Variants in DPYSL4 observed in about 807,000 individuals in gnomAD.
The protein encoded by DPYSL4 is dihydropyrimidinase-related protein 4.
A neutral mutation model predicts 63.4 loss-of-function variants in DPYSL4; 43 were observed. The observed-to-expected ratio is 0.68, with a 90% CI of 0.53 to 0.88. The LOEUF is 0.88. Among genes scored for constraint, DPYSL4 ranks in the 40% least tolerant of loss-of-function variants. DPYSL4 has a pLI of 0.00. For missense variants in DPYSL4, 733 were observed against 819.5 expected (o/e 0.89, Z 1.29); for synonymous variants, 353 against 331.7 (o/e 1.06, Z -0.70).
chr10:132,200,385 G>A lies in DPYSL4; in HGVS notation c.841G>A (p.Ala281Thr), dbSNP rs368575479. The A allele has an allele frequency of 9.3e-6, 15 of 1,613,382 alleles. No homozygotes were observed. The highest frequency in any genetic ancestry group is 1.1e-5 in the Non-Finnish European group (13 of 1,179,888). ...GGTCGTGTTTGGGGAGCCCATCACC[G>A]CCAGCCTGGGCACCGACGGTTCACA... ...GVVVFGEPIT[A>T]SLGTDGSHYW... Residue 281 changes from alanine (A) to threonine (T), a missense_variant, in exon 9 of 14, where the codon GCC (alanine) becomes ACC (threonine). Transcript: ENST00000338492.
In DPYSL4 at chr10:132,203,835, C is replaced by T. The variant is rs780738844; in HGVS notation, c.1535C>T (p.Pro512Leu). 3.1e-6 allele frequency: 5 copies of T among 1,612,970 alleles called. No homozygotes were observed. In the East Asian group the frequency reaches 6.7e-5, roughly 22 times the overall value. ...CACGAGGTGATGGTGCCTGCCAAGC[C>T]AGGGAGTGGCGCTCCGGCCCGCGCG... ...PVHEVMVPAK[P>L]GSGAPARASC... Residue 512 changes from proline (P) to leucine (L), a missense_variant, in exon 13 of 14, where the codon CCA becomes CTA. Transcript: ENST00000338492.
intron 3 of DPYSL4, among the ~76,000 whole-genome samples, chr10:132,193,094 T>G (rs535285833): frequency 1.1e-4 from 16 of 152,252 alleles, no homozygotes; most frequent in Admixed American, 4.6e-4. Context: ...GTGTGTCCAC[T>G]TGTTCTTCCC....
chr10:132,192,534 C>T (rs1000927051), intron 2 of DPYSL4, 124 bp from the exon 3 acceptor site: 28 of 1,436,856 alleles, frequency 1.9e-5, no homozygotes, highest in South Asian at 6.2e-5. Context: ...AGTGGCCGGC[C>T]GTGCTGGCCT....
chr10:132,198,933 AG>A lies in DPYSL4; in HGVS notation c.778del (p.Ala260ArgfsTer69), dbSNP rs1448803542. The part of the protein sequence containing the change: ...CPLYVTKVMS[K>X]GAADAIAQAK... ...CTGTACGTCACCAAGGTGATGAGCA[AG>A]GGGGCGGCCGACGCCATCGCTCAGG... On this transcript the variant is annotated frameshift_variant, in exon 8 of 14. Transcript: ENST00000338492. LOFTEE classifies it high-confidence loss of function. The A allele has an allele frequency of 6.2e-7, 1 of 1,612,736 alleles. No homozygotes were observed. Among genetic ancestry groups the A allele is most frequent in the East Asian group, 2.2e-5 (1 of 44,884 alleles).
intron 1 of DPYSL4, among the ~76,000 whole-genome samples, chr10:132,188,974 C>G (rs1323989779): frequency 6.6e-6 from 1 of 152,244 alleles, no homozygotes; most frequent in Non-Finnish European, 1.5e-5. Flanking sequence ...CCTGAAAATA[C>G]AGCCCCACAG....
chr10:132,195,873 G>A (rs1422779469), intron 4 of DPYSL4, among the ~76,000 whole-genome samples: 1 of 152,212 alleles, frequency 6.6e-6, no homozygotes, highest in Non-Finnish European at 1.5e-5. Context: ...GTGGAAGCAG[G>A]GCCTGCACCT....
In DPYSL4 at chr10:132,203,839, G is replaced by A; in HGVS notation, c.1539G>A (p.Gly513=). The change falls in exon 13 of 14, where the codon GGG becomes GGA. Residue 513 remains glycine, a synonymous_variant. Coordinates refer to ENST00000338492, the MANE Select transcript of DPYSL4 (RefSeq NM_006426.3). The part of the protein sequence containing the change: ...VHEVMVPAKP[G]SGAPARASCP... The stretch of plus-strand genomic sequence containing the variant: ...AGGTGATGGTGCCTGCCAAGCCAGG[G>A]AGTGGCGCTCCGGCCCGCGCGTCCT... 1.2e-6 allele frequency: 2 copies of A among 1,612,992 alleles called. No individual in the cohort carries two copies. Among genetic ancestry groups the A allele is most frequent in the East Asian group, 4.5e-5 (2 of 44,866 alleles).
chr10:132,196,889 A>G lies in DPYSL4; in HGVS notation c.507A>G (p.Ala169=), dbSNP rs1244637242. The G allele has an allele frequency of 1.1e-5, 18 of 1,613,652 alleles. No homozygotes were observed. Among genetic ancestry groups the G allele is most frequent in the Non-Finnish European group, 1.5e-5 (18 of 1,180,002 alleles). Residue 169 remains alanine, a synonymous_variant, in exon 5 of 14, where the codon GCA becomes GCG. Transcript: ENST00000338492. ...TGAACTCCTTCCTGGTCTTCATGGC[A>G]TACAAGGACCGGTGCCAGTGCAGCG... ...KGVNSFLVFM[A]YKDRCQCSDS... is the part of the protein sequence containing the mutation.
At chr10:132,192,165 G>T in intron 2 of DPYSL4, 1 of 259,026 alleles carries the variant, frequency 3.9e-6, no homozygotes, top group Non-Finnish European at 6.0e-6. Flanking sequence ...ACCCATCCTT[G>T]GCAGCAGTAA....
Position 132,200,943 on chromosome 10 carries a change from G to A in DPYSL4, c.1070G>A (p.Gly357Asp), listed in dbSNP as rs1228261334. The change falls in exon 10 of 14, where the codon GGC becomes GAC. Residue 357 changes from glycine to aspartate, a missense_variant. Gly to Asp is a moderately conservative substitution (Grantham distance 94). Coordinates refer to ENST00000338492, the MANE Select transcript of DPYSL4 (RefSeq NM_006426.3). ...NFALIPEGTN[G>D]IEERMSMVWE... ...GCGCTGATCCCCGAGGGCACCAACG[G>A]CATTGAGGAGCGCATGTCGATGGTC... 6.2e-7 allele frequency: 1 copy of A among 1,613,200 alleles called. No homozygotes were observed. Among genetic ancestry groups the A allele is most frequent in the East Asian group, 2.2e-5 (1 of 44,902 alleles).
In DPYSL4 at chr10:132,198,493, C is replaced by T; in HGVS notation, c.690+10C>T. On this transcript the variant is annotated intron_variant, in intron 7 of 13. Coordinates refer to ENST00000338492, the MANE Select transcript of DPYSL4 (RefSeq NM_006426.3). ...CAGCCACCCCGAGGAGGTAAGATCC[C>T]AGGGCACCACAGCACACCCGAGCCA... is the stretch of plus-strand genomic sequence containing the variant. 3 of 1,595,200 alleles carry T rather than the reference C, an allele frequency of 1.9e-6. No individual in the cohort carries two copies. The South Asian group carries it at 3.4e-5, about 18-fold the overall frequency.
At chr10:132,198,562 CCCTGGG>C (rs1470022725) in intron 7 of DPYSL4, 79 bp downstream of exon 7, 1 of 1,415,612 alleles carries the variant, frequency 7.1e-7, no homozygotes, top group African/African-American at 1.4e-5. Context: ...CTGACCCTGG[CCCTGGG>C]CTCCTGGCCC....
chr10:132,193,562 T>C (rs776523548), intron 3 of DPYSL4, among the ~76,000 whole-genome samples: 1 of 152,254 alleles, frequency 6.6e-6, no homozygotes, highest in Non-Finnish European at 1.5e-5. Context: ...CTGCACTGTG[T>C]GGCCTTGGGT....
intron 10 of DPYSL4, among the ~76,000 whole-genome samples, chr10:132,201,615 G>A (rs1206410017): frequency 1.3e-5 from 2 of 152,354 alleles, no homozygotes; most frequent in South Asian, 2.1e-4. Flanking sequence ...GGGTTACTCA[G>A]GCGTTCTTAC....
Position 132,204,962 on chromosome 10 carries a change from G to GC in DPYSL4, c.*36dup, listed in dbSNP as rs780035285. The GC allele has an allele frequency of 4.2e-5, 65 of 1,565,174 alleles. No individual in the cohort carries two copies. The highest frequency in any genetic ancestry group is 3.7e-4 in the Admixed American group (19 of 52,046). On this transcript the variant is annotated 3_prime_UTR_variant, in exon 14 of 14. Coordinates refer to ENST00000338492, the MANE Select transcript of DPYSL4 (RefSeq NM_006426.3). Reference sequence around the variant, plus strand: ...AGGACCGGCCCTGTGAGCCGTGCTGGCCCCACCCGAGGCCGCGGGGGCCCC... The same window carrying GC: ...AGGACCGGCCCTGTGAGCCGTGCTGGCCCCCACCCGAGGCCGCGGGGGCCCC...
At position 132,186,994 on chromosome 10, in the gene DPYSL4, T is replaced by TCCGCC; in HGVS notation, c.-68_-67insGCCCC. ...CCACGCACGCGTCCCGGCTCACGCG[T>TCCGCC]CCCCCCGCCCGCCCGCCCGCCCGCC... On this transcript the variant is annotated 5_prime_UTR_variant, in exon 1 of 14. Coordinates refer to ENST00000338492, the MANE Select transcript of DPYSL4 (RefSeq NM_006426.3). The TCCGCC allele has an allele frequency of 2.8e-5, 6 of 217,372 alleles. 1 individual carries two copies. The highest frequency in any genetic ancestry group is 1.5e-4 in the South Asian group (2 of 13,406). The allele number at this position is 217,372 out of a possible 1,614,324, so 13.5% of individuals were successfully genotyped here.
intron 1 of DPYSL4, 33 bp downstream of exon 1, chr10:132,187,135 T>TGCCCGCC (rs1337742557): frequency 2.0e-6 from 3 of 1,492,364 alleles, no homozygotes; most frequent in East Asian, 2.6e-5. Context: ...CGGCGCCCCC[T>TGCCCGCC]GCCCGCCGCC....
chr10:132,190,947 C>A (rs199784711), intron 2 of DPYSL4, 112 bp downstream of exon 2: 2 of 953,816 alleles, frequency 2.1e-6, no homozygotes, highest in African/African-American at 3.4e-5. Context: ...ACGCTGGTCA[C>A]GTGGTATCCA....
intron 2 of DPYSL4, 75 bp downstream of exon 2, chr10:132,190,910 G>C: frequency 6.9e-7 from 1 of 1,439,728 alleles, no homozygotes; most frequent in Non-Finnish European, 9.6e-7. Flanking sequence ...CCAGGCAGTT[G>C]AAAGTATGTT....
Sources: allele counts gnomAD v4.1 joint callset (sites outside exome capture counted in the v4.1 genomes callset), GRCh38; gene constraint gnomAD v4.1.1; transcripts MANE v1.5; gene names NCBI Gene and HGNC (gene_info 2026-07-23, HGNC 2026-07-21).